Variants in CCDC93 observed in about 807,000 individuals in gnomAD.
The protein encoded by CCDC93 is CCC complex scaffolding subunit CCDC93, also known as coiled-coil domain-containing protein 93.
In CCDC93, 61 loss-of-function variants were observed where a neutral mutation model predicts 108.2. The ratio of observed to expected loss-of-function variants is 0.56; its 90% CI spans 0.46 to 0.70. The LOEUF (loss-of-function observed/expected upper bound fraction) is 0.70, where lower values mean the gene tolerates loss of function less well. Among genes scored for constraint, CCDC93 ranks in the 30% least tolerant of loss-of-function variants. CCDC93 has a pLI of 0.00. For synonymous variants in CCDC93, 276 were observed against 260.4 expected (o/e 1.06, Z -0.58); for missense variants, 685 against 764.2 (o/e 0.90, Z 1.22).
At chr2:117,960,009 A>T (rs1196770755) in intron 11 of CCDC93, among the ~76,000 whole-genome samples, 1 of 152,194 alleles carries the variant, frequency 6.6e-6, no homozygotes, top group African/African-American at 2.4e-5. Flanking sequence ...AATTAACTAC[A>T]TCTCCTCTAC....
chr2:117,922,084 T>A (rs1677888484), intron 23 of CCDC93, among the ~76,000 whole-genome samples: 1 of 152,154 alleles, frequency 6.6e-6, no homozygotes, highest in Non-Finnish European at 1.5e-5. Context: ...TACTACACTC[T>A]CTACTTGTAT....
At chr2:117,936,575 G>C (rs768050762) in intron 21 of CCDC93, 127 bp downstream of exon 21, 7 of 786,772 alleles carry the variant, frequency 8.9e-6, no homozygotes, top group Non-Finnish European at 1.4e-5. Flanking sequence ...AAAAGAGTAA[G>C]AATCACATAC....
intron 14 of CCDC93, among the ~76,000 whole-genome samples, chr2:117,949,082 CTA>C (rs1391744988): frequency 6.6e-6 from 1 of 152,192 alleles, no homozygotes; most frequent in Non-Finnish European, 1.5e-5. Context: ...AAACAAAAAA[CTA>C]TGCTGCTTCT....
At chr2:117,931,227 C>G in intron 22 of CCDC93, 77 bp from the exon 23 acceptor site, 1 of 858,794 alleles carries the variant, frequency 1.2e-6, no homozygotes, top group South Asian at 1.5e-5. Context: ...CAAAAGGCAA[C>G]AGTTGTTAAC....
At position 118,001,020 on chromosome 2, in the gene CCDC93, TC is replaced by T. The variant is rs759252679; in HGVS notation, c.252-89del. 6.1e-4 allele frequency: 466 copies of T among 765,534 alleles called. 1 individual carries two copies. Among genetic ancestry groups the T allele is most frequent in the Middle Eastern group, 4.6e-3 (20 of 4,350 alleles). 47.4% of individuals were successfully genotyped at this position (765,534 alleles called of 1,614,324 possible). A position where few individuals can be genotyped will look rare whatever the true frequency, so the allele number is the denominator to read the frequency against. ...AAGTCTGGGCAGCATCACAGACGGA[TC>T]TGGGACTTCTCCATGCCAGGCTAGT... On this transcript the variant is annotated intron_variant, in intron 3 of 23. Coordinates refer to ENST00000376300, the MANE Select transcript of CCDC93 (RefSeq NM_019044.5).
At position 117,918,761 on chromosome 2, in the gene CCDC93, G is replaced by A. The variant is rs1677767306; in HGVS notation, c.*1582C>T. The A allele has an allele frequency of 6.6e-6, 1 of 151,902 alleles. No individual in the cohort carries two copies. Among genetic ancestry groups the A allele is most frequent in the African/African-American group, 2.4e-5 (1 of 41,418 alleles). The allele number at this position is 151,902 out of a possible 1,614,324, so 9.4% of individuals were successfully genotyped here. Reference sequence around the variant, plus strand: ...GACCACGGCTCAGGGACCAGCTGAGGTGGAGCTGCACATGACCCAAGAAGC... The same window carrying A: ...GACCACGGCTCAGGGACCAGCTGAGATGGAGCTGCACATGACCCAAGAAGC... On this transcript the variant is annotated 3_prime_UTR_variant, in exon 24 of 24. Transcript: ENST00000376300.
chr2:117,968,576 G>C (rs973977796), intron 11 of CCDC93, among the ~76,000 whole-genome samples: 3 of 152,122 alleles, frequency 2.0e-5, no homozygotes, highest in Admixed American at 6.5e-5. Flanking sequence ...CATGTCTCAG[G>C]AACTTTGAGA....
chr2:117,965,093 G>C (rs775564278), intron 11 of CCDC93, among the ~76,000 whole-genome samples: 4 of 152,188 alleles, frequency 2.6e-5, no homozygotes, highest in African/African-American at 7.2e-5. Flanking sequence ...TGAGGAAATA[G>C]TATCTAGAAT....
rs1454146800 is a variant in CCDC93, at chr2:117,919,014, T to C, written c.*1329A>G. The stretch of plus-strand genomic sequence containing the variant: ...TGCTTGACATGTTTAAGCTTTTGTG[T>C]TACTGTGCAAACCTGCCACCTGGTA... On this transcript the variant is annotated 3_prime_UTR_variant, in exon 24 of 24. Transcript: ENST00000376300. 1 of 152,222 alleles carries C rather than the reference T, an allele frequency of 6.6e-6. No individual in the cohort carries two copies. The highest frequency in any genetic ancestry group is 6.5e-5 in the Admixed American group (1 of 15,282). The allele number at this position is 152,222 out of a possible 1,614,324, so 9.4% of individuals were successfully genotyped here.
intron 1 of CCDC93, among the ~76,000 whole-genome samples, chr2:118,009,516 C>CA (rs1372302608): frequency 6.6e-6 from 1 of 151,970 alleles, no homozygotes; most frequent in East Asian, 1.9e-4. Context: ...ACTAAAAATA[C>CA]AAAAAATTAG....
At chr2:117,985,313 A>G (rs935838681) in intron 7 of CCDC93, 3 of 215,480 alleles carry the variant, frequency 1.4e-5, no homozygotes, top group African/African-American at 4.7e-5. Flanking sequence ...GCCACCCTAC[A>G]AGGGTTGGGC....
At chr2:117,956,619 G>A (rs1454016281) in intron 12 of CCDC93, among the ~76,000 whole-genome samples, 2 of 152,306 alleles carry the variant, frequency 1.3e-5, no homozygotes, top group East Asian at 1.9e-4. Context: ...CAGGGGTCAG[G>A]AGTAGGGATG....
Position 117,952,432 on chromosome 2 carries a change from G to A in CCDC93, c.1009C>T (p.Arg337Ter), listed in dbSNP as rs368763445. 8 of 1,610,574 alleles carry A rather than the reference G, an allele frequency of 5.0e-6. No individual in the cohort carries two copies. The highest frequency in any genetic ancestry group is 1.1e-5 in the South Asian group (1 of 91,010). Reference protein sequence around the residue: ...AQKTKHLEELRASHTSLQARY... With the variant: ...AQKTKHLEEL ...GCTTGTAGGCTGGTGTGACTTGCTC[G>A]CAGCTGTAAATGAAAGATAAAAGAC... Residue 337 changes from arginine to a stop codon, truncating the protein, a stop_gained, in exon 13 of 24, where the codon CGA becomes TGA. Transcript: ENST00000376300. LOFTEE classifies it high-confidence loss of function.
At chr2:117,960,926 CAT>C (rs10568859) in intron 11 of CCDC93, among the ~76,000 whole-genome samples, 4,729 of 152,158 alleles carry the variant, frequency 0.031, 263 homozygotes, top group African/African-American at 0.11. Flanking sequence ...TGAATTAATA[CAT>C]GTTACTGTCA....
rs1186871386 is a variant in CCDC93 at position 118,014,018 on chromosome 2, G to T, written c.-23C>A. On this transcript the variant is annotated 5_prime_UTR_variant, in exon 1 of 24. Coordinates refer to ENST00000376300, the MANE Select transcript of CCDC93 (RefSeq NM_019044.5). ...CATGATCCGACCGGGCTGTCGTAAG[G>T]CGAGAGCGAAGCCCGCCAAGCGTCC... is the stretch of plus-strand genomic sequence containing the variant. 1.9e-6 allele frequency: 3 copies of T among 1,591,806 alleles called. No individual in the cohort carries two copies. Among genetic ancestry groups the T allele is most frequent in the African/African-American group, 2.7e-5 (2 of 74,630 alleles).
At chr2:117,968,160 GGTTA>G (rs1679650046) in intron 11 of CCDC93, among the ~76,000 whole-genome samples, 1 of 152,172 alleles carries the variant, frequency 6.6e-6, no homozygotes, top group Admixed American at 6.5e-5. Flanking sequence ...AACGGTGTAT[GGTTA>G]GTTAGTATGC....
chr2:117,967,048 A>G (rs998899604), intron 11 of CCDC93, among the ~76,000 whole-genome samples: 1 of 152,176 alleles, frequency 6.6e-6, no homozygotes, highest in African/African-American at 2.4e-5. Flanking sequence ...GCTGGAGTGC[A>G]GTGGCGCGAT....
Position 117,950,075 on chromosome 2 carries a change from G to C in CCDC93, c.1069-680C>G, listed in dbSNP as rs1049172774. On this transcript the variant is annotated intron_variant, in intron 13 of 23. Transcript: ENST00000376300. ...ACCCAGCAGAAATGGGGAGTTCCCCGACCCAGAACATCAGTTACTACCGGC... is the reference window on the plus strand; with the variant it reads ...ACCCAGCAGAAATGGGGAGTTCCCCCACCCAGAACATCAGTTACTACCGGC... 8.1e-6 allele frequency: 8 copies of C among 985,248 alleles called. No individual in the cohort carries two copies. In the Admixed American group the frequency reaches 4.3e-4, roughly 53 times the overall value. The allele number at this position is 985,248 out of a possible 1,614,324, so 61.0% of individuals were successfully genotyped here.
At chr2:118,013,849 G>C in intron 1 of CCDC93, 105 bp downstream of exon 1, 1 of 998,560 alleles carries the variant, frequency 1.0e-6, no homozygotes, top group Non-Finnish European at 1.4e-6. Context: ...GAGGAAGGGG[G>C]CGGGGCGCCC....
Sources: gnomAD v4.1 joint callset for allele counts (sites outside exome capture counted in the v4.1 genomes callset) on GRCh38, gnomAD v4.1.1 for gene constraint, MANE v1.5 for transcripts, NCBI Gene and HGNC (gene_info 2026-07-23, HGNC 2026-07-21) for gene names.